Variants in DNAJC10 observed in about 807,000 individuals in gnomAD.
DNAJC10 encodes DnaJ heat shock protein family (Hsp40) member C10.
A neutral mutation model predicts 115.0 loss-of-function variants in DNAJC10; 101 were observed. That is an observed-to-expected ratio of 0.88 (90% CI 0.75 to 1.04). The LOEUF (loss-of-function observed/expected upper bound fraction) is 1.04. Ranked by LOEUF, DNAJC10 falls within the 50% of genes least tolerant of loss-of-function variation. The pLI, the probability that DNAJC10 is intolerant of heterozygous loss-of-function variation, is 0.00. For synonymous variants in DNAJC10, 307 were observed against 301.5 expected, an observed-to-expected ratio of 1.02 and a Z score of -0.19; for missense variants, 981 against 928.8, an observed-to-expected ratio of 1.06 and a Z score of -0.73.
chr2:182,768,341 G>A (rs1409002163), intron 22 of DNAJC10, among the ~76,000 whole-genome samples: 3 of 152,276 alleles, frequency 2.0e-5, no homozygotes, highest in East Asian at 3.9e-4. Context: ...TATCAGAGAA[G>A]TATCAATTTA....
intron 18 of DNAJC10, 66 bp from the exon 19 acceptor site, chr2:182,757,626 A>T (rs1040920056): frequency 8.1e-7 from 1 of 1,240,834 alleles, no homozygotes; most frequent in African/African-American, 1.5e-5. Context: ...TAATAATACA[A>T]TGCTTATTTC....
intron 14 of DNAJC10, among the ~76,000 whole-genome samples, chr2:182,747,852 T>C (rs1199965560): frequency 6.6e-6 from 1 of 150,658 alleles, no homozygotes; most frequent in East Asian, 2.0e-4. Context: ...TTCAGTATGA[T>C]ATTGGCTGTG....
intron 10 of DNAJC10, 25 bp downstream of exon 10, chr2:182,732,567 C>T: frequency 1.2e-6 from 2 of 1,607,748 alleles, no homozygotes; most frequent in Non-Finnish European, 1.7e-6. Context: ...TTTTGTAAAA[C>T]TATATCACCA....
chr2:182,765,337 C>T (rs1694384251), intron 22 of DNAJC10, among the ~76,000 whole-genome samples: 1 of 152,104 alleles, frequency 6.6e-6, no homozygotes, highest in Non-Finnish European at 1.5e-5. Context: ...AACCTCCTGT[C>T]CCAAAAGTAT....
intron 9 of DNAJC10, among the ~76,000 whole-genome samples, 195 bp from the exon 10 acceptor site, chr2:182,732,304 G>A (rs919646589): frequency 1.2e-4 from 17 of 147,238 alleles, no homozygotes; most frequent in African/African-American, 1.6e-4. Flanking sequence ...AAGAGGGAGC[G>A]AGGGAGTGTG....
At position 182,751,768 on chromosome 2, in the gene DNAJC10, G is replaced by A. The variant is rs370356949; in HGVS notation, c.1417G>A (p.Val473Ile). The A allele has an allele frequency of 1.2e-6, 2 of 1,613,254 alleles. No homozygotes were observed. The highest frequency in any genetic ancestry group is 1.3e-5 in the African/African-American group (1 of 74,888). ...TGCCAATGACAAAGAACCATGGCTTGTTGATTTCTTTGCCCCCGTAAGTTA... is the reference window on the plus strand; with the variant it reads ...TGCCAATGACAAAGAACCATGGCTTATTGATTTCTTTGCCCCCGTAAGTTA... ...FPANDKEPWLVDFFAPWCPPC... is the reference protein window; with the variant it reads ...FPANDKEPWLIDFFAPWCPPC... The change falls in exon 15 of 24, where the codon GTT becomes ATT. Residue 473 changes from valine to isoleucine, a missense_variant. Physicochemically the swap from Val to Ile is conservative, Grantham distance 29. Coordinates refer to ENST00000264065, the MANE Select transcript of DNAJC10 (RefSeq NM_018981.4).
intron 4 of DNAJC10, among the ~76,000 whole-genome samples, chr2:182,720,498 A>G (rs1312216016): frequency 1.3e-5 from 2 of 152,188 alleles, no homozygotes; most frequent in East Asian, 1.9e-4. Context: ...TTATAATACC[A>G]TATTTTTACT....
At chr2:182,751,855 C>T in intron 15 of DNAJC10, 70 bp downstream of exon 15, 1 of 1,558,590 alleles carries the variant, frequency 6.4e-7, no homozygotes, top group Non-Finnish European at 8.7e-7. Context: ...AAGACATTTT[C>T]TAGATAACTT....
At chr2:182,721,901 C>G (rs1693158855) in intron 4 of DNAJC10, 124 bp from the exon 5 acceptor site, 2 of 531,524 alleles carry the variant, frequency 3.8e-6, no homozygotes, top group South Asian at 5.6e-5. Flanking sequence ...TGCATATTCT[C>G]TAAGTTTGAG....
In DNAJC10 at chr2:182,752,490, T is replaced by A. The variant is rs1054607403; in HGVS notation, c.1551+302T>A. On this transcript the variant is annotated intron_variant, in intron 16 of 23. Transcript: ENST00000264065. ...TCCAATTATTGAAGATTGTTATATT[T>A]CTTTAATATTTTTGACATTTTATAA... 8.3e-6 allele frequency: 4 copies of A among 483,188 alleles called. No individual in the cohort carries two copies. The African/African-American group carries it at 8.3e-5, about 10-fold the overall frequency. The allele number at this position is 483,188 out of a possible 1,614,324, so 29.9% of individuals were successfully genotyped here.
At chr2:182,774,583 C>T (rs1022021231) in intron 22 of DNAJC10, among the ~76,000 whole-genome samples, 3 of 152,358 alleles carry the variant, frequency 2.0e-5, no homozygotes, top group Non-Finnish European at 2.9e-5. Context: ...AGCCAGGCTA[C>T]CACCTCACAG....
intron 8 of DNAJC10, chr2:182,730,518 G>A: frequency 2.2e-6 from 1 of 447,018 alleles, no homozygotes; most frequent in South Asian, 1.6e-5. Context: ...ATGCAATATA[G>A]GTACTATTAT....
rs1403987597 is a variant in DNAJC10, at chr2:182,782,267, C to T, written c.*5135C>T. On this transcript the variant is annotated 3_prime_UTR_variant, in exon 24 of 24. Transcript: ENST00000264065. Reference sequence around the variant, plus strand: ...AGATCAGATGGTTGTAGAAGTGTGGCGTTATTTCTGAGGGCTGTGTTCTGT... The same window carrying T: ...AGATCAGATGGTTGTAGAAGTGTGGTGTTATTTCTGAGGGCTGTGTTCTGT... 5 of 152,028 alleles carry T rather than the reference C, an allele frequency of 3.3e-5. No individual in the cohort carries two copies. The highest frequency in any genetic ancestry group is 9.7e-5 in the African/African-American group (4 of 41,374). The allele number at this position is 152,028 out of a possible 1,614,324, so 9.4% of individuals were successfully genotyped here. A position where few individuals can be genotyped will look rare whatever the true frequency, so the allele number is the denominator to read the frequency against.
chr2:182,757,868 T>C (rs1216987209), intron 19 of DNAJC10, 43 bp downstream of exon 19: 1 of 1,172,318 alleles, frequency 8.5e-7, no homozygotes. Context: ...TATAATTATT[T>C]AATTATACAC....
intron 11 of DNAJC10, among the ~76,000 whole-genome samples, chr2:182,737,019 G>GGATT (rs1238310325): frequency 6.6e-6 from 1 of 152,146 alleles, no homozygotes; most frequent in Non-Finnish European, 1.5e-5. Context: ...CAGAGAGCTG[G>GGATT]GATTACAGGC....
intron 11 of DNAJC10, among the ~76,000 whole-genome samples, chr2:182,737,865 A>G (rs932619405): frequency 6.6e-6 from 1 of 152,214 alleles, no homozygotes; most frequent in African/African-American, 2.4e-5. Context: ...TAACCAATTC[A>G]TCAAGAAAAT....
chr2:182,717,252 G>A (rs1292613845), intron 2 of DNAJC10, among the ~76,000 whole-genome samples, 180 bp downstream of exon 2: 1 of 152,096 alleles, frequency 6.6e-6, no homozygotes, highest in Admixed American at 6.6e-5. Flanking sequence ...CTAAATAACC[G>A]ATTCCCTTCT....
chr2:182,775,078 T>A (rs1694669968), intron 22 of DNAJC10, among the ~76,000 whole-genome samples: 1 of 152,110 alleles, frequency 6.6e-6, no homozygotes, highest in South Asian at 2.1e-4. Context: ...ATGCTTTTTT[T>A]TTTTTTTTTT....
chr2:182,751,816 A>T, intron 15 of DNAJC10, 31 bp downstream of exon 15: 4 of 1,605,208 alleles, frequency 2.5e-6, no homozygotes, highest in Non-Finnish European at 3.4e-6. Context: ...AGATTCTAAC[A>T]TTGTCAGATC....
Sources: gnomAD v4.1 joint callset for allele counts (sites outside exome capture counted in the v4.1 genomes callset) on GRCh38, gnomAD v4.1.1 for gene constraint, MANE v1.5 for transcripts, NCBI Gene and HGNC (gene_info 2026-07-23, HGNC 2026-07-21) for gene names.